CDC45: variants seen among roughly 807,000 people sequenced by gnomAD.
CDC45 encodes the protein cell division control protein 45 homolog.
CDC45 carries 54 observed loss-of-function variants against 77.8 expected under a neutral mutation model. The observed-to-expected ratio is 0.69, with a 90% CI of 0.56 to 0.87. CDC45 has a LOEUF of 0.87. Among genes scored for constraint, CDC45 ranks in the 40% least tolerant of loss-of-function variants. The pLI is 0.00. For missense variants in CDC45, 649 were observed against 721.6 expected, an observed-to-expected ratio of 0.90 and a Z score of 1.15; for synonymous variants, 260 against 272.1, an observed-to-expected ratio of 0.96 and a Z score of 0.44.
At chr22:19,493,425 T>G (rs962224580) in intron 5 of CDC45, among the ~76,000 whole-genome samples, 7 of 59,596 alleles carry the variant, frequency 1.2e-4, no homozygotes, top group African/African-American at 4.7e-4. Flanking sequence ...AGTCTTACTT[T>G]GTTTTTTTTT....
chr22:19,506,000 C>G (rs1049528005), intron 10 of CDC45, among the ~76,000 whole-genome samples: 2 of 152,036 alleles, frequency 1.3e-5, no homozygotes, highest in African/African-American at 4.8e-5. Flanking sequence ...CCAAGGGCAG[C>G]GGGAGGCTGT....
rs755607613 is a variant in CDC45, at chr22:19,505,328, A to G, written c.705-34A>G. 3.1e-6 allele frequency: 5 copies of G among 1,613,734 alleles called. No individual in the cohort carries two copies. The South Asian group carries it at 5.5e-5, about 18-fold the overall frequency. On this transcript the variant is annotated intron_variant, in intron 9 of 18. Coordinates refer to ENST00000263201, the MANE Select transcript of CDC45 (RefSeq NM_003504.5). ...AGGCTGCCTGGTAAGAGCTGGAGGGAACCAGCCGAGGCTTGTGCTACTTTT... is the reference window on the plus strand; with the variant it reads ...AGGCTGCCTGGTAAGAGCTGGAGGGGACCAGCCGAGGCTTGTGCTACTTTT...
chr22:19,479,960 G>T lies in CDC45; in HGVS notation c.-9G>T. On this transcript the variant is annotated 5_prime_UTR_variant, in exon 1 of 19. Transcript: ENST00000263201. ...CAGCGCGAGCGCCAGGCGTCCGGCC[G>T]CCGTGGCTATGTTCGTGTCCGATTT... 3 of 1,613,044 alleles carry T rather than the reference G, an allele frequency of 1.9e-6. No individual in the cohort carries two copies. The highest frequency in any genetic ancestry group is 2.5e-6 in the Non-Finnish European group (3 of 1,180,014).
intron 5 of CDC45, among the ~76,000 whole-genome samples, chr22:19,490,287 T>C (rs1264720726): frequency 2.0e-5 from 3 of 152,226 alleles, no homozygotes; most frequent in Non-Finnish European, 4.4e-5. Context: ...TTTTAGTTAC[T>C]GACATGTTAG....
At chr22:19,497,596 T>A (rs1177308565) in intron 8 of CDC45, 149 bp downstream of exon 8, 1 of 678,144 alleles carries the variant, frequency 1.5e-6, no homozygotes, top group East Asian at 2.7e-5. Context: ...TGTGTGATTT[T>A]GGTCTTTTTC....
intron 9 of CDC45, among the ~76,000 whole-genome samples, chr22:19,499,835 C>T (rs891884422): frequency 6.6e-6 from 1 of 152,190 alleles, no homozygotes; most frequent in African/African-American, 2.4e-5. Context: ...TGCTGGTCCT[C>T]TCCTAGGGGA....
intron 18 of CDC45, among the ~76,000 whole-genome samples, chr22:19,519,593 A>G (rs1054696303): frequency 5.9e-5 from 9 of 152,198 alleles, no homozygotes; most frequent in Non-Finnish European, 1.3e-4. Context: ...CATCTCCCAG[A>G]GCCCTAGCCT....
chr22:19,481,510 C>T (rs2089982600), intron 3 of CDC45, among the ~76,000 whole-genome samples: 2 of 151,956 alleles, frequency 1.3e-5, no homozygotes, highest in Admixed American at 6.6e-5. Context: ...TCCTGAGTAG[C>T]TGGGACTACA....
intron 9 of CDC45, among the ~76,000 whole-genome samples, chr22:19,503,810 A>C (rs1932998351): frequency 6.6e-6 from 1 of 152,230 alleles, no homozygotes; most frequent in South Asian, 2.1e-4. Flanking sequence ...AAAACCTTTG[A>C]AGAGGCCACA....
At chr22:19,514,187 G>A (rs749058461) in intron 13 of CDC45, among the ~76,000 whole-genome samples, 1 of 152,178 alleles carries the variant, frequency 6.6e-6, no homozygotes, top group Admixed American at 6.5e-5. Flanking sequence ...ATTCAAGAAC[G>A]GGATTGTGGA....
At chr22:19,493,437 T>TTG (rs2090187567) in intron 5 of CDC45, among the ~76,000 whole-genome samples, 2 of 148,122 alleles carry the variant, frequency 1.4e-5, no homozygotes, top group South Asian at 2.1e-4. Flanking sequence ...TTTTTTTTTT[T>TTG]TTGTTGTTGT....
chr22:19,499,150 C>T lies in CDC45; in HGVS notation c.703C>T (p.Gln235Ter). 1 of 1,614,132 alleles carries T rather than the reference C, an allele frequency of 6.2e-7. No individual in the cohort carries two copies. ...CCAGTGGGTGCAAGACAAGATCACT[C>T]AGTAAGGACACACTCCCTTGCCTTG... ...TDQWVQDKIT[Q>*]MKYVTDVGVL... The change falls in exon 9 of 19, where the codon CAA becomes TAA. Residue 235 changes from glutamine (Q) to a stop codon, truncating the protein, a stop_gained and splice_region_variant. Coordinates refer to ENST00000263201, the MANE Select transcript of CDC45 (RefSeq NM_003504.5). LOFTEE classifies it high-confidence loss of function.
At position 19,502,865 on chromosome 22, in the gene CDC45, C is replaced by T. The variant is rs928206452; in HGVS notation, c.705-2497C>T. Among the ~76,000 whole-genome samples, 75 of 152,100 alleles carry T rather than the reference C, an allele frequency of 4.9e-4. 1 individual carries two copies. Among genetic ancestry groups the T allele is most frequent in the Admixed American group, 4.7e-3 (72 of 15,266 alleles). On this transcript the variant is annotated intron_variant, in intron 9 of 18. Coordinates refer to ENST00000263201, the MANE Select transcript of CDC45 (RefSeq NM_003504.5). ...TAGACAGTGAGTCTTTTCTCAATAC[C>T]AGTAGCTTAATAATACCAGATTCAA...
At chr22:19,492,229 A>G (rs2090164613) in intron 5 of CDC45, among the ~76,000 whole-genome samples, 1 of 151,632 alleles carries the variant, frequency 6.6e-6, no homozygotes, top group Non-Finnish European at 1.5e-5. Context: ...TTGTAGCCCC[A>G]CAAGTCCCAG....
At position 19,508,613 on chromosome 22, in the gene CDC45, C is replaced by T. The variant is rs1369590594; in HGVS notation, c.1139C>T (p.Thr380Ile). ...CTGGCCAGCGACGTGGTCTTTGCCACCATGTCTTTGATGGAGAGCCCCGAG... is the reference window on the plus strand; with the variant it reads ...CTGGCCAGCGACGTGGTCTTTGCCATCATGTCTTTGATGGAGAGCCCCGAG... ...KFLASDVVFA[T>I]MSLMESPEKD... is the part of the protein sequence containing the mutation. Residue 380 changes from threonine (T) to isoleucine (I), a missense_variant, in exon 13 of 19, where the codon ACC (threonine) becomes ATC (isoleucine). By Grantham distance (89) the Thr-to-Ile change is moderately conservative. Transcript: ENST00000263201. 6.2e-7 allele frequency: 1 copy of T among 1,614,072 alleles called. No individual in the cohort carries two copies. The highest frequency in any genetic ancestry group is 8.5e-7 in the Non-Finnish European group (1 of 1,180,016).
intron 7 of CDC45, 136 bp from the exon 8 acceptor site, chr22:19,497,250 A>C (rs2090258795): frequency 2.7e-6 from 2 of 733,924 alleles, no homozygotes; most frequent in Admixed American, 1.9e-5. Context: ...GAATCCACCC[A>C]CATGCCCTGG....
chr22:19,508,391 C>G, intron 12 of CDC45, 139 bp from the exon 13 acceptor site: 2 of 899,872 alleles, frequency 2.2e-6, no homozygotes, highest in Non-Finnish European at 3.6e-6. Context: ...TTCTGACCTG[C>G]CTCATCCTCT....
chr22:19,501,085 CAG>C (rs984808238), intron 9 of CDC45, among the ~76,000 whole-genome samples: 4 of 152,106 alleles, frequency 2.6e-5, no homozygotes, highest in Admixed American at 2.0e-4. Flanking sequence ...GAGGGTGAGA[CAG>C]AGGAATCGCT....
At chr22:19,479,801 G>A (rs1481156119), upstream of CDC45, 6 of 709,584 alleles carry the variant, frequency 8.5e-6, no homozygotes, top group African/African-American at 1.1e-4. Context: ...AGCGCTAATG[G>A]CCGCCTCCAA....
Sources: allele counts gnomAD v4.1 joint callset (sites outside exome capture counted in the v4.1 genomes callset), GRCh38; gene constraint gnomAD v4.1.1; transcripts MANE v1.5; gene names NCBI Gene and HGNC (gene_info 2026-07-23, HGNC 2026-07-21).